FAM110B: variants seen among roughly 807,000 people sequenced by gnomAD.
FAM110B encodes family with sequence similarity 110 member B.
FAM110B carries 6 observed loss-of-function variants against 20.4 expected under a neutral mutation model. The ratio of observed to expected loss-of-function variants is 0.29; its 90% CI spans 0.16 to 0.58. The LOEUF is 0.58. FAM110B is among the 20% of genes least tolerant of loss of function. The pLI is 0.90. For missense variants in FAM110B, 434 were observed against 498.2 expected (o/e 0.87, Z 1.23); for synonymous variants, 226 against 214.1 (o/e 1.06, Z -0.49).
intron 1 of FAM110B, among the ~76,000 whole-genome samples, chr8:58,005,489 T>C (rs928265395): frequency 6.6e-6 from 1 of 152,250 alleles, no homozygotes; most frequent in East Asian, 1.9e-4. Flanking sequence ...TGAACTTGTT[T>C]GATGCTGAAT....
intron 3 of FAM110B, among the ~76,000 whole-genome samples, chr8:58,090,894 G>T (rs780229460): frequency 6.6e-6 from 1 of 152,136 alleles, no homozygotes; most frequent in African/African-American, 2.4e-5. Context: ...TTTTTAATAT[G>T]AGCAATACTA....
intron 2 of FAM110B, among the ~76,000 whole-genome samples, chr8:58,040,627 A>G (rs1805194511): frequency 6.6e-6 from 1 of 152,234 alleles, no homozygotes; most frequent in African/African-American, 2.4e-5. Context: ...CTGTTTCCAT[A>G]TAATTTTAAA....
Position 58,059,933 on chromosome 8 carries a change from C to T in FAM110B, c.-413-15602C>T, listed in dbSNP as rs999461699. ...ATTTTTGGTGTGAGGTAAGGGTCAG[C>T]GTTTACTAATTTTTTTTAATATATA... is the stretch of plus-strand genomic sequence containing the variant. On this transcript the variant is annotated intron_variant, in intron 2 of 3. Coordinates refer to ENST00000519262, the MANE Select transcript of FAM110B (RefSeq NM_001377989.1). Among the ~76,000 whole-genome samples, 33 of 151,768 alleles carry T rather than the reference C, an allele frequency of 2.2e-4. No individual in the cohort carries two copies. The East Asian group carries it at 2.7e-3, about 12-fold the overall frequency.
chr8:58,090,633 C>T (rs1161189733), intron 3 of FAM110B, among the ~76,000 whole-genome samples: 4 of 152,144 alleles, frequency 2.6e-5, no homozygotes, highest in South Asian at 4.1e-4. Context: ...TTTTCAACTG[C>T]ATGGGGTGGA....
intron 3 of FAM110B, chr8:58,091,664 C>A (rs557081635): frequency 1.1e-4 from 16 of 152,282 alleles, no homozygotes; most frequent in African/African-American, 3.9e-4. Flanking sequence ...GTAATTTTTA[C>A]ATATTCATGA....
rs1344577494 is a variant in FAM110B at position 58,147,338 on chromosome 8, G to T, written c.1108G>T (p.Val370Leu). 1 of 1,611,778 alleles carries T rather than the reference G, an allele frequency of 6.2e-7. No individual in the cohort carries two copies. The highest frequency in any genetic ancestry group is 1.1e-5 in the South Asian group (1 of 90,746). The change falls in exon 4 of 4, where the codon GTG becomes TTG. Residue 370 changes from valine (V) to leucine (L), a missense_variant. This residue lies in a region of FAM110B where 94 missense variants were observed against 137.8 expected (regional missense o/e 0.68). Transcript: ENST00000519262. The part of the protein sequence containing the change: ...QARESQKVSH[V>L] ...TAGAGAGTCACAGAAGGTCTCCCATGTGTAAGACAGTGCGTGGAAAGGAGG... is the reference window on the plus strand; with the variant it reads ...TAGAGAGTCACAGAAGGTCTCCCATTTGTAAGACAGTGCGTGGAAAGGAGG...
intron 3 of FAM110B, among the ~76,000 whole-genome samples, chr8:58,088,624 C>T (rs530250848): frequency 3.3e-5 from 5 of 152,304 alleles, no homozygotes; most frequent in African/African-American, 1.2e-4. Flanking sequence ...TGATGGCACA[C>T]ACTAGAATTT....
chr8:58,033,556 G>T (rs547186538), intron 2 of FAM110B, among the ~76,000 whole-genome samples: 239 of 152,138 alleles, frequency 1.6e-3, no homozygotes, highest in Non-Finnish European at 1.5e-3. Context: ...GAGCATAAAT[G>T]ATTTCAACAA....
chr8:58,054,804 G>A (rs1186215723), intron 2 of FAM110B, among the ~76,000 whole-genome samples: 1 of 152,042 alleles, frequency 6.6e-6, no homozygotes, highest in Non-Finnish European at 1.5e-5. Flanking sequence ...TTTTTTTAAT[G>A]TAAGTAATCC....
At chr8:58,001,627 T>C (rs923836136) in intron 1 of FAM110B, among the ~76,000 whole-genome samples, 1 of 152,166 alleles carries the variant, frequency 6.6e-6, no homozygotes, top group African/African-American at 2.4e-5. Flanking sequence ...GTAATTTCAG[T>C]GTGAAGCATG....
At chr8:58,080,711 G>T (rs1274679745) in intron 3 of FAM110B, among the ~76,000 whole-genome samples, 1 of 152,194 alleles carries the variant, frequency 6.6e-6, no homozygotes, top group Non-Finnish European at 1.5e-5. Context: ...TCATGTGTGT[G>T]TATCTATGTT....
chr8:58,137,537 G>A (rs369007974), intron 3 of FAM110B, among the ~76,000 whole-genome samples: 2 of 152,120 alleles, frequency 1.3e-5, no homozygotes, highest in African/African-American at 2.4e-5. Context: ...TCCAGCCTGG[G>A]CAACACAGTG....
intron 1 of FAM110B, among the ~76,000 whole-genome samples, chr8:58,018,531 A>G (rs1804681196): frequency 6.6e-6 from 1 of 152,102 alleles, no homozygotes. Context: ...GTGTACAGTT[A>G]GATAGTGCTT....
chr8:58,071,001 A>G (rs1805884796), intron 2 of FAM110B, among the ~76,000 whole-genome samples: 1 of 152,104 alleles, frequency 6.6e-6, no homozygotes, highest in South Asian at 2.1e-4. Context: ...TGAAAGAGAA[A>G]TTTTCGTCTC....
chr8:58,128,917 T>C lies in FAM110B; in HGVS notation c.-324-16990T>C, dbSNP rs75469500. 2.5e-3 allele frequency among the ~76,000 whole-genome samples: 383 copies of C among 152,338 alleles called. 5 individuals carry two copies. Among genetic ancestry groups the C allele is most frequent in the African/African-American group, 8.5e-3 (354 of 41,584 alleles). On this transcript the variant is annotated intron_variant, in intron 3 of 3. Transcript: ENST00000519262. ...AGTTTTAGCCTGCTAAAAGGAATCA[T>C]TGGCTCTTCATAGACGTATTGGCTG... is the stretch of plus-strand genomic sequence containing the variant.
intron 1 of FAM110B, among the ~76,000 whole-genome samples, chr8:58,018,853 GAT>G (rs1369236459): frequency 6.6e-6 from 1 of 151,266 alleles, no homozygotes; most frequent in African/African-American, 2.5e-5. Flanking sequence ...TAGATAGATA[GAT>G]AGAGAATCAC....
chr8:58,045,336 A>G (rs531174096), intron 2 of FAM110B, among the ~76,000 whole-genome samples: 23 of 152,288 alleles, frequency 1.5e-4, no homozygotes, highest in African/African-American at 5.3e-4. Flanking sequence ...TGTTAATAGT[A>G]GGATGAGGAT....
intron 3 of FAM110B, among the ~76,000 whole-genome samples, chr8:58,095,228 C>T (rs1037922304): frequency 7.9e-5 from 12 of 151,912 alleles, no homozygotes; most frequent in Non-Finnish European, 1.3e-4. Flanking sequence ...AAGGGTTTTT[C>T]GTGCCTCTGT....
chr8:58,108,666 G>T (rs771671797), intron 3 of FAM110B, among the ~76,000 whole-genome samples: 3 of 152,196 alleles, frequency 2.0e-5, no homozygotes, highest in Non-Finnish European at 4.4e-5. Flanking sequence ...GTCCTCAGGC[G>T]CCAGCTCCTG....
Sources: allele counts gnomAD v4.1 joint callset (sites outside exome capture counted in the v4.1 genomes callset), GRCh38; gene constraint gnomAD v4.1.1; regional missense constraint gnomAD v4.1.1; transcripts MANE v1.5; gene names NCBI Gene and HGNC (gene_info 2026-07-23, HGNC 2026-07-21).